Variants in CSMD1 observed in about 807,000 individuals in gnomAD.
The protein encoded by CSMD1 is CUB and sushi domain-containing protein 1.
In CSMD1, 213 loss-of-function variants were observed where a neutral mutation model predicts 417.5. That is an observed-to-expected ratio of 0.51 (90% CI 0.46 to 0.57). The LOEUF (loss-of-function observed/expected upper bound fraction) is 0.57, where lower values mean the gene tolerates loss of function less well. Among genes scored for constraint, CSMD1 ranks in the 20% least tolerant of loss-of-function variants. The pLI, the probability that CSMD1 is intolerant of heterozygous loss-of-function variation, is 0.00. For synonymous variants in CSMD1, 2,862 were observed against 1,736.8 expected (o/e 1.65, Z -16.11); for missense variants, 6,923 against 4,529.7 (o/e 1.53, Z -15.17).
intron 26 of CSMD1, among the ~76,000 whole-genome samples, chr8:3,259,054 G>T (rs985671674): frequency 2.0e-5 from 3 of 152,140 alleles, no homozygotes; most frequent in Admixed American, 6.5e-5. Context: ...GAGCTCTAGG[G>T]AAGCCAAGGG....
intron 26 of CSMD1, among the ~76,000 whole-genome samples, chr8:3,263,933 C>G (rs539412469): frequency 2.0e-5 from 3 of 152,308 alleles, no homozygotes; most frequent in East Asian, 1.9e-4. Flanking sequence ...AATGGTAACG[C>G]TAACATTTAA....
intron 5 of CSMD1, chr8:3,950,058 C>A: frequency 2.2e-6 from 1 of 448,358 alleles, no homozygotes; most frequent in South Asian, 1.6e-5. Flanking sequence ...ACAGACAGGA[C>A]TGAGTTGCCA....
chr8:4,931,514 G>A (rs12334925), intron 1 of CSMD1, among the ~76,000 whole-genome samples: 7,651 of 152,194 alleles, frequency 0.05, 224 homozygotes, highest in African/African-American at 0.071. Context: ...ATGTATCCAT[G>A]AACCATCCAA....
intron 5 of CSMD1, among the ~76,000 whole-genome samples, chr8:3,843,506 G>C (rs1387545648): frequency 6.6e-6 from 1 of 151,922 alleles, no homozygotes; most frequent in Admixed American, 6.6e-5. Flanking sequence ...ACATGAGACA[G>C]ATATGAGAAA....
At chr8:4,365,999 G>C (rs1441117034) in intron 3 of CSMD1, among the ~76,000 whole-genome samples, 2 of 152,172 alleles carry the variant, frequency 1.3e-5, no homozygotes, top group East Asian at 1.9e-4. Context: ...GTGTTGTTGA[G>C]GCTTGATTTA....
intron 5 of CSMD1, among the ~76,000 whole-genome samples, chr8:3,754,387 A>G (rs1797536792): frequency 6.6e-6 from 1 of 152,120 alleles, no homozygotes; most frequent in Non-Finnish European, 1.5e-5. Flanking sequence ...AAGAAATAGG[A>G]AAATGATAAA....
In CSMD1 at chr8:3,728,303, C is replaced by A. The variant is rs190542637; in HGVS notation, c.932-19812G>T. 1.5e-4 allele frequency among the ~76,000 whole-genome samples: 23 copies of A among 152,242 alleles called. No individual in the cohort carries two copies. The East Asian group carries it at 4.1e-3, about 27-fold the overall frequency. On this transcript the variant is annotated intron_variant, in intron 6 of 69. Transcript: ENST00000635120. The stretch of plus-strand genomic sequence containing the variant: ...AGACATCCCTTTGCTCTTCCTTCAT[C>A]TTCCACCATGACTGTGAGGCCTCCC...
intron 2 of CSMD1, among the ~76,000 whole-genome samples, chr8:4,574,074 C>A (rs369554187): frequency 2.0e-5 from 3 of 152,112 alleles, no homozygotes; most frequent in East Asian, 1.9e-4. Context: ...GGGGGTGGGA[C>A]CCACTGAGCA....
At chr8:4,819,897 G>C (rs1169690865) in intron 1 of CSMD1, among the ~76,000 whole-genome samples, 2 of 152,062 alleles carry the variant, frequency 1.3e-5, no homozygotes, top group African/African-American at 4.8e-5. Context: ...TGTGGACTTT[G>C]GGGGTGGGGA....
At chr8:4,478,556 C>T (rs966893260) in intron 2 of CSMD1, among the ~76,000 whole-genome samples, 2 of 151,924 alleles carry the variant, frequency 1.3e-5, no homozygotes, top group East Asian at 1.9e-4. Context: ...TTTAATGTAC[C>T]GATATTGATG....
chr8:3,230,202 C>G lies in CSMD1; in HGVS notation c.4183G>C (p.Gly1395Arg), dbSNP rs1015766926. ...TAGCGGGTGCCATTTTGGGGCATACCTGGATCGTTACAGGTGGCTGCAATT... is the reference window on the plus strand; with the variant it reads ...TAGCGGGTGCCATTTTGGGGCATACGTGGATCGTTACAGGTGGCTGCAATT... ...TSIAATCNDP[G>R]MPQNGTRYGD... Residue 1395 changes from glycine to arginine, a missense_variant, in exon 27 of 70, where the codon GGT becomes CGT. Coordinates refer to ENST00000635120, the MANE Select transcript of CSMD1 (RefSeq NM_033225.6). The G allele has an allele frequency of 3.1e-6, 5 of 1,606,698 alleles. No individual in the cohort carries two copies. The highest frequency in any genetic ancestry group is 4.3e-6 in the Non-Finnish European group (5 of 1,176,282).
At chr8:4,290,099 C>A (rs956896787) in intron 3 of CSMD1, among the ~76,000 whole-genome samples, 6 of 152,122 alleles carry the variant, frequency 3.9e-5, no homozygotes, top group South Asian at 2.1e-4. Context: ...TACAGATGTG[C>A]AACAAAACCA....
intron 8 of CSMD1, among the ~76,000 whole-genome samples, chr8:3,616,481 G>T (rs369806564): frequency 3.9e-5 from 6 of 151,994 alleles, no homozygotes; most frequent in Non-Finnish European, 7.4e-5. Flanking sequence ...CCACTCTCTG[G>T]TATGCCTTTA....
intron 1 of CSMD1, among the ~76,000 whole-genome samples, chr8:4,798,980 C>T (rs187281839): frequency 6.6e-5 from 10 of 152,270 alleles, no homozygotes; most frequent in Non-Finnish European, 1.3e-4. Flanking sequence ...TCTGCACGCC[C>T]ACATCCTCCT....
chr8:2,978,131 T>C (rs1938439380), intron 55 of CSMD1, among the ~76,000 whole-genome samples: 1 of 152,218 alleles, frequency 6.6e-6, no homozygotes. Context: ...GTACCAGGAA[T>C]GCTCACAAAA....
rs957664013 is a variant in CSMD1, at chr8:2,937,069, T to C, written c.*1516A>G. ...AAATAAGTATAAGTAAAAGTAAACA[T>C]GATTTTCACTTTGAATTTGTTACAT... On this transcript the variant is annotated 3_prime_UTR_variant, in exon 70 of 70. Transcript: ENST00000635120. 1.3e-5 allele frequency: 2 copies of C among 152,200 alleles called. No individual in the cohort carries two copies. The highest frequency in any genetic ancestry group is 2.4e-5 in the African/African-American group (1 of 41,446). 9.4% of individuals were successfully genotyped at this position (152,200 alleles called of 1,614,324 possible). A position where few individuals can be genotyped will look rare whatever the true frequency, so the allele number is the denominator to read the frequency against.
intron 21 of CSMD1, among the ~76,000 whole-genome samples, chr8:3,349,737 A>G (rs1302785479): frequency 6.8e-6 from 1 of 146,570 alleles, no homozygotes; most frequent in African/African-American, 2.5e-5. Flanking sequence ...TCTATAATAT[A>G]TAAATACTTT....
chr8:4,783,431 T>C (rs1014321354), intron 1 of CSMD1, among the ~76,000 whole-genome samples: 6 of 152,224 alleles, frequency 3.9e-5, no homozygotes, highest in Non-Finnish European at 5.9e-5. Context: ...AATTCAGTGC[T>C]TTGGCTTTGG....
chr8:4,123,965 A>AT (rs1563153914), intron 3 of CSMD1, among the ~76,000 whole-genome samples: 6 of 152,230 alleles, frequency 3.9e-5, no homozygotes, highest in Admixed American at 1.3e-4. Flanking sequence ...GCTGGAAAAA[A>AT]GTTTCTGATG....
Sources: gnomAD v4.1 joint callset for allele counts (sites outside exome capture counted in the v4.1 genomes callset) on GRCh38, gnomAD v4.1.1 for gene constraint, MANE v1.5 for transcripts, NCBI Gene and HGNC (gene_info 2026-07-23, HGNC 2026-07-21) for gene names.